The following CTNNA2 variants were observed in gnomAD, a reference collection of about 807,000 sequenced individuals.
CTNNA2 encodes the protein catenin alpha 2, also known as catenin alpha-2.
CTNNA2 carries 42 observed loss-of-function variants against 101.0 expected under a neutral mutation model. The ratio of observed to expected loss-of-function variants is 0.42; its 90% CI spans 0.32 to 0.54. The LOEUF (loss-of-function observed/expected upper bound fraction) is 0.54. CTNNA2 is among the 20% of genes least tolerant of loss of function. CTNNA2 has a pLI of 0.14. For synonymous variants in CTNNA2, 450 were observed against 456.4 expected, an observed-to-expected ratio of 0.99 and a Z score of 0.18; for missense variants, 871 against 1,223.1, an observed-to-expected ratio of 0.71 and a Z score of 4.29.
At chr2:79,974,951 C>T (rs192752955) in intron 7 of CTNNA2, among the ~76,000 whole-genome samples, 182 of 152,138 alleles carry the variant, frequency 1.2e-3, no homozygotes, top group Non-Finnish European at 2.0e-3. Context: ...GAGAACAGAG[C>T]GTCATACCAA....
At chr2:80,246,521 T>G (rs915768588) in intron 7 of CTNNA2, among the ~76,000 whole-genome samples, 1 of 152,212 alleles carries the variant, frequency 6.6e-6, no homozygotes, top group African/African-American at 2.4e-5. Flanking sequence ...TAGGTCTTTG[T>G]CAAATCACTA....
intron 4 of CTNNA2, among the ~76,000 whole-genome samples, chr2:79,487,936 T>C (rs1671173225): frequency 6.6e-6 from 1 of 152,118 alleles, no homozygotes; most frequent in Admixed American, 6.6e-5. Context: ...AATCAGAAAG[T>C]GTACCTGGCT....
intron 7 of CTNNA2, among the ~76,000 whole-genome samples, chr2:79,927,878 G>A (rs543717589): frequency 6.6e-6 from 1 of 152,204 alleles, no homozygotes; most frequent in East Asian, 1.9e-4. Flanking sequence ...GGGTCTCTTT[G>A]AAGGCTCTGA....
At chr2:79,669,415 A>C (rs1297194189) in intron 2 of CTNNA2, among the ~76,000 whole-genome samples, 1 of 152,182 alleles carries the variant, frequency 6.6e-6, no homozygotes, top group Admixed American at 6.5e-5. Flanking sequence ...TCTGGCTGGA[A>C]ACCTCTGTGG....
intron 1 of CTNNA2, among the ~76,000 whole-genome samples, chr2:79,548,466 A>G (rs1054397128): frequency 1.3e-5 from 2 of 152,068 alleles, no homozygotes; most frequent in South Asian, 2.1e-4. Flanking sequence ...CAGAAATGCT[A>G]TTGTTAGAAA....
intron 3 of CTNNA2, among the ~76,000 whole-genome samples, chr2:79,770,670 C>T (rs1673507243): frequency 6.6e-6 from 1 of 152,102 alleles, no homozygotes; most frequent in South Asian, 2.1e-4. Context: ...AGAAATGAAA[C>T]ATTACTCATT....
At chr2:79,531,302 C>T (rs1672730503) in intron 1 of CTNNA2, among the ~76,000 whole-genome samples, 1 of 147,860 alleles carries the variant, frequency 6.8e-6, no homozygotes, top group African/African-American at 2.5e-5. Flanking sequence ...CTCTCATGTG[C>T]AGCAAATCAA....
intron 8 of CTNNA2, among the ~76,000 whole-genome samples, chr2:80,396,507 G>A (rs1239175976): frequency 6.6e-6 from 1 of 152,136 alleles, no homozygotes; most frequent in Non-Finnish European, 1.5e-5. Flanking sequence ...CCCCTTCTGG[G>A]TGCCTACTGG....
At chr2:79,461,973 T>G (rs934851782) in intron 4 of CTNNA2, among the ~76,000 whole-genome samples, 35 of 151,952 alleles carry the variant, frequency 2.3e-4, no homozygotes, top group Non-Finnish European at 3.7e-4. Context: ...AATGTTGAGG[T>G]GATGAGAATG....
At chr2:80,600,408 A>G (rs1573416072) in intron 15 of CTNNA2, among the ~76,000 whole-genome samples, 1 of 151,986 alleles carries the variant, frequency 6.6e-6, no homozygotes, top group African/African-American at 2.4e-5. Flanking sequence ...TGTAAAAAAA[A>G]GAAACCTAAC....
chr2:80,591,457 G>GTTTTTTGTTTTTTTTTTT (rs1696486813), intron 15 of CTNNA2, among the ~76,000 whole-genome samples: 1 of 70,314 alleles, frequency 1.4e-5, no homozygotes, highest in African/African-American at 4.6e-5. Context: ...TGCACAGCCT[G>GTTTTTTGTTTTTTTTTTT]TTTTTTTTTT....
In CTNNA2 at chr2:79,907,348, CACAT is replaced by C. The variant is rs201512179; in HGVS notation, c.853-2240_853-2237del. ...TTATATATATACACACACACACACA[CACAT>C]ACATATATACATATGTTCATCATAA... On this transcript the variant is annotated intron_variant, in intron 6 of 18. Coordinates refer to ENST00000402739, the MANE Select transcript of CTNNA2 (RefSeq NM_001282597.3). Among the ~76,000 whole-genome samples the C allele has an allele frequency of 2.5e-4, 37 of 145,958 alleles. 1 individual carries two copies. The highest frequency in any genetic ancestry group is 2.4e-3 in the South Asian group (11 of 4,590).
At chr2:79,552,690 T>G (rs1384771298) in intron 1 of CTNNA2, among the ~76,000 whole-genome samples, 1 of 152,204 alleles carries the variant, frequency 6.6e-6, no homozygotes, top group African/African-American at 2.4e-5. Context: ...AGGCTTAACA[T>G]CTCATGGAAG....
intron 7 of CTNNA2, among the ~76,000 whole-genome samples, chr2:79,921,314 G>T (rs1236588239): frequency 6.6e-6 from 1 of 152,178 alleles, no homozygotes; most frequent in East Asian, 1.9e-4. Context: ...CTTTTTGTGA[G>T]TGGGGATAAA....
intron 7 of CTNNA2, among the ~76,000 whole-genome samples, chr2:80,250,202 AGAGTGTGT>A (rs750640873): frequency 3.5e-5 from 5 of 142,188 alleles, no homozygotes; most frequent in Non-Finnish European, 7.5e-5. Flanking sequence ...AGAGAGAGAG[AGAGTGTGT>A]GTGTGTGTGT....
chr2:79,689,725 A>G (rs1048041462), intron 2 of CTNNA2, among the ~76,000 whole-genome samples: 10 of 152,036 alleles, frequency 6.6e-5, no homozygotes, highest in Non-Finnish European at 1.0e-4. Flanking sequence ...TTAATGTAAT[A>G]CTATAGAAAT....
At chr2:79,625,906 C>T (rs1465285579) in intron 1 of CTNNA2, among the ~76,000 whole-genome samples, 1 of 152,174 alleles carries the variant, frequency 6.6e-6, no homozygotes, top group Non-Finnish European at 1.5e-5. Context: ...AGTTAAATGT[C>T]CAGCTACAGA....
At chr2:80,578,611 T>G (rs1203109307) in intron 13 of CTNNA2, among the ~76,000 whole-genome samples, 1 of 152,134 alleles carries the variant, frequency 6.6e-6, no homozygotes. Flanking sequence ...GCTGGATGGG[T>G]TTGTTGCGTG....
At chr2:79,593,214 A>G (rs1463109873) in intron 1 of CTNNA2, among the ~76,000 whole-genome samples, 1 of 152,168 alleles carries the variant, frequency 6.6e-6, no homozygotes, top group Non-Finnish European at 1.5e-5. Flanking sequence ...GACTCTAATG[A>G]GTACTCATTG....
Sources: gnomAD v4.1 joint callset for allele counts (sites outside exome capture counted in the v4.1 genomes callset) on GRCh38, gnomAD v4.1.1 for gene constraint, MANE v1.5 for transcripts, NCBI Gene and HGNC (gene_info 2026-07-23, HGNC 2026-07-21) for gene names.